The following SORCS1 variants were observed in gnomAD, a reference collection of about 807,000 sequenced individuals.
SORCS1 encodes VPS10 domain-containing receptor SorCS1.
SORCS1 carries 60 observed loss-of-function variants against 146.1 expected under a neutral mutation model. The observed-to-expected ratio is 0.41, with a 90% CI of 0.33 to 0.51. The LOEUF (loss-of-function observed/expected upper bound fraction) is 0.51. Among genes scored for constraint, SORCS1 ranks in the 20% least tolerant of loss-of-function variants. The pLI is 0.21. For synonymous variants in SORCS1, 637 were observed against 584.0 expected, an observed-to-expected ratio of 1.09 and a Z score of -1.31; for missense variants, 1,352 against 1,487.6, an observed-to-expected ratio of 0.91 and a Z score of 1.50.
At chr10:106,680,089 T>C (rs1352221247) in intron 10 of SORCS1, among the ~76,000 whole-genome samples, 1 of 152,092 alleles carries the variant, frequency 6.6e-6, no homozygotes, top group Non-Finnish European at 1.5e-5. Context: ...AGAGACAAAA[T>C]AGTATGAGAT....
chr10:106,785,599 G>A (rs1232370821), intron 3 of SORCS1, among the ~76,000 whole-genome samples: 1 of 152,082 alleles, frequency 6.6e-6, no homozygotes, highest in African/African-American at 2.4e-5. Context: ...TTATATTAAT[G>A]CTTCATGATA....
intron 2 of SORCS1, among the ~76,000 whole-genome samples, chr10:106,839,175 G>C (rs1948915002): frequency 6.6e-6 from 1 of 152,172 alleles, no homozygotes; most frequent in South Asian, 2.1e-4. Flanking sequence ...ATTAAACTTG[G>C]TGAGGAAGGC....
chr10:106,820,191 T>C (rs1011412374), intron 3 of SORCS1, among the ~76,000 whole-genome samples: 1 of 152,192 alleles, frequency 6.6e-6, no homozygotes, highest in South Asian at 2.1e-4. Context: ...CAACACTTAG[T>C]ATTCTACTCC....
intron 24 of SORCS1, among the ~76,000 whole-genome samples, chr10:106,592,568 G>A (rs1477240995): frequency 6.6e-6 from 1 of 152,182 alleles, no homozygotes; most frequent in Non-Finnish European, 1.5e-5. Context: ...CTGAACATCT[G>A]CTGAGCAATT....
At chr10:106,737,931 C>T (rs184664196) in intron 5 of SORCS1, among the ~76,000 whole-genome samples, 2 of 152,110 alleles carry the variant, frequency 1.3e-5, no homozygotes, top group East Asian at 1.9e-4. Context: ...TCATACCCTG[C>T]ATATTTTTAG....
Position 107,124,741 on chromosome 10 carries a change from G to A in SORCS1, c.558+39228C>T, listed in dbSNP as rs552878048. Reference sequence around the variant, plus strand: ...ATCAAAAGTGAAAAACAAACAAAACGAAAAACAGAAAACCAGCCAAACCTG... The same window carrying A: ...ATCAAAAGTGAAAAACAAACAAAACAAAAAACAGAAAACCAGCCAAACCTG... On this transcript the variant is annotated intron_variant, in intron 1 of 25. Coordinates refer to ENST00000263054, the MANE Select transcript of SORCS1 (RefSeq NM_052918.5). Among the ~76,000 whole-genome samples the A allele has an allele frequency of 3.3e-5, 5 of 152,018 alleles. No individual in the cohort carries two copies. The East Asian group carries it at 5.8e-4, about 18-fold the overall frequency.
chr10:107,104,284 C>A (rs1388957419), intron 1 of SORCS1, among the ~76,000 whole-genome samples: 1 of 152,200 alleles, frequency 6.6e-6, no homozygotes, highest in African/African-American at 2.4e-5. Context: ...CAAGTTTAAT[C>A]CTCTTCCGCT....
At chr10:106,864,145 G>A (rs749778234) in intron 2 of SORCS1, among the ~76,000 whole-genome samples, 1 of 152,172 alleles carries the variant, frequency 6.6e-6, no homozygotes, top group Non-Finnish European at 1.5e-5. Flanking sequence ...AGTGTGCTTG[G>A]CTGTCATGGA....
intron 1 of SORCS1, among the ~76,000 whole-genome samples, chr10:107,130,518 T>C (rs1347536003): frequency 6.6e-6 from 1 of 152,208 alleles, no homozygotes; most frequent in Non-Finnish European, 1.5e-5. Context: ...GCAACTTATT[T>C]AGAGTTGTAA....
At chr10:106,629,899 C>G (rs1475610570) in intron 18 of SORCS1, among the ~76,000 whole-genome samples, 1 of 152,110 alleles carries the variant, frequency 6.6e-6, no homozygotes, top group Non-Finnish European at 1.5e-5. Context: ...CAAAAATTAG[C>G]TGGGCGTGGT....
intron 14 of SORCS1, among the ~76,000 whole-genome samples, chr10:106,674,534 C>T (rs375501219): frequency 7.9e-5 from 12 of 152,056 alleles, no homozygotes; most frequent in Admixed American, 2.0e-4. Context: ...TGTATTGAAA[C>T]CCATAGGCAG....
chr10:106,793,175 A>G (rs997201204), intron 3 of SORCS1, among the ~76,000 whole-genome samples: 2 of 152,220 alleles, frequency 1.3e-5, no homozygotes, highest in African/African-American at 4.8e-5. Flanking sequence ...ACGGAAAAGC[A>G]CTTTTTTTTC....
intron 1 of SORCS1, among the ~76,000 whole-genome samples, chr10:107,066,813 A>T (rs1411412998): frequency 6.6e-6 from 1 of 152,238 alleles, no homozygotes; most frequent in East Asian, 1.9e-4. Flanking sequence ...GGAAAGGAGA[A>T]TTGACACTGT....
At chr10:106,861,617 C>T (rs1020139109) in intron 2 of SORCS1, among the ~76,000 whole-genome samples, 2 of 152,026 alleles carry the variant, frequency 1.3e-5, no homozygotes, top group Admixed American at 6.5e-5. Context: ...ATTGGCCGGG[C>T]GCAGTCCCTC....
intron 1 of SORCS1, among the ~76,000 whole-genome samples, chr10:106,997,044 T>TC (rs1957033118): frequency 6.6e-6 from 1 of 152,018 alleles, no homozygotes; most frequent in Non-Finnish European, 1.5e-5. Flanking sequence ...CCTTTTTTTT[T>TC]TTCTTTATAA....
intron 1 of SORCS1, among the ~76,000 whole-genome samples, chr10:107,073,545 A>C (rs1034173790): frequency 1.3e-5 from 2 of 152,190 alleles, no homozygotes; most frequent in African/African-American, 2.4e-5. Context: ...CACTGTTCAA[A>C]ATGTCTGATA....
rs147966804 is a variant in SORCS1, at chr10:106,870,883, G to C, written c.627-41210C>G. Among the ~76,000 whole-genome samples, 10 of 152,014 alleles carry C rather than the reference G, an allele frequency of 6.6e-5. No individual in the cohort carries two copies. The East Asian group carries it at 9.7e-4, about 15-fold the overall frequency. ...AGCTTCTTCACAGCAAAAAAGAAAA[G>C]AAAGAACAAAACTATCAACAGAATA... On this transcript the variant is annotated intron_variant, in intron 2 of 25. Transcript: ENST00000263054.
At chr10:107,153,305 C>T (rs1234243678) in intron 1 of SORCS1, among the ~76,000 whole-genome samples, 4 of 152,022 alleles carry the variant, frequency 2.6e-5, no homozygotes, top group Admixed American at 1.3e-4. Flanking sequence ...AAATGTTGTA[C>T]ATTGGTGCTT....
intron 24 of SORCS1, among the ~76,000 whole-genome samples, chr10:106,588,998 T>C (rs1845428549): frequency 6.6e-6 from 1 of 152,070 alleles, no homozygotes; most frequent in African/African-American, 2.4e-5. Context: ...TAAAGTCACG[T>C]TTGAGAACAG....
Sources: allele counts gnomAD v4.1 joint callset (sites outside exome capture counted in the v4.1 genomes callset), GRCh38; gene constraint gnomAD v4.1.1; transcripts MANE v1.5; gene names NCBI Gene and HGNC (gene_info 2026-07-23, HGNC 2026-07-21).